Variants in TRPM4 observed in about 807,000 individuals in gnomAD.
The protein encoded by TRPM4 is transient receptor potential cation channel subfamily M member 4.
Under a neutral mutation model 135.6 loss-of-function variants are expected in TRPM4, and 124 were observed. That is an observed-to-expected ratio of 0.91 (90% CI 0.79 to 1.06). TRPM4 has a LOEUF of 1.06. TRPM4 is among the 50% of genes least tolerant of loss of function. TRPM4 has a pLI of 0.00. For synonymous variants in TRPM4, 745 were observed against 705.6 expected (o/e 1.06, Z -0.88); for missense variants, 1,658 against 1,671.4 (o/e 0.99, Z 0.14).
At position 49,210,609 on chromosome 19, in the gene TRPM4, C is replaced by T; in HGVS notation, c.3329-101C>T. 1.3e-6 allele frequency: 2 copies of T among 1,574,266 alleles called. No homozygotes were observed. The highest frequency in any genetic ancestry group is 1.7e-6 in the Non-Finnish European group (2 of 1,148,460). ...GGGCATGTTCTCGAATCACCAGGGG[C>T]TGGGTCTGGGATAGCGTGCGTGTTC... On this transcript the variant is annotated intron_variant, in intron 21 of 24. Transcript: ENST00000252826. The surrounding 1 kb of genome is among the most constrained non-coding windows in gnomAD (Gnocchi z 4.1).
intron 1 of TRPM4, 105 bp from the exon 2 acceptor site, chr19:49,158,087 C>T: frequency 1.5e-6 from 2 of 1,342,836 alleles, no homozygotes; most frequent in East Asian, 4.6e-5. Context: ...GCCCGGACTC[C>T]TGTGTCCGTG....
chr19:49,199,634 T>G (rs1968839463), intron 17 of TRPM4, among the ~76,000 whole-genome samples: 1 of 152,144 alleles, frequency 6.6e-6, no homozygotes, highest in African/African-American at 2.4e-5. Context: ...CTCTGGATCC[T>G]AATCCTCGGT....
chr19:49,165,887 G>A (rs534737519), intron 2 of TRPM4, among the ~76,000 whole-genome samples, 154 bp from the exon 3 acceptor site: 2 of 152,318 alleles, frequency 1.3e-5, no homozygotes, highest in South Asian at 2.1e-4. Context: ...CCCCGAGGCC[G>A]TCAGAGCCAG....
intron 16 of TRPM4, 31 bp from the exon 17 acceptor site, chr19:49,196,409 G>T: frequency 6.6e-7 from 1 of 1,511,688 alleles, no homozygotes; most frequent in Non-Finnish European, 8.8e-7. Context: ...TCAGAGTGAG[G>T]CCTCCTCCCT....
At position 49,199,253 on chromosome 19, in the gene TRPM4, GT is replaced by G. The variant is rs1568487583; in HGVS notation, c.2646-1042del. 6.7e-3 allele frequency among the ~76,000 whole-genome samples: 540 copies of G among 81,186 alleles called. 4 individuals are homozygous for G. Among genetic ancestry groups the G allele is most frequent in the African/African-American group, 0.022 (512 of 22,998 alleles). The allele number at this position is 81,186 out of a possible 152,430, so 53.3% of individuals were successfully genotyped here. ...CTTGTGCCCCCTTGTTTTTTTTTTGGTTTTTGTTTTTGTTTTTGTTTTTGAG... is the reference window on the plus strand; with the variant it reads ...CTTGTGCCCCCTTGTTTTTTTTTTGGTTTTGTTTTTGTTTTTGTTTTTGAG... On this transcript the variant is annotated intron_variant, in intron 17 of 24. Coordinates refer to ENST00000252826, the MANE Select transcript of TRPM4 (RefSeq NM_017636.4).
rs1969319683 is a variant in TRPM4 at position 49,210,628 on chromosome 19, C to A, written c.3329-82C>A. 2 of 1,601,128 alleles carry A rather than the reference C, an allele frequency of 1.2e-6. No homozygotes were observed. The highest frequency in any genetic ancestry group is 1.7e-5 in the Admixed American group (1 of 59,750). On this transcript the variant is annotated intron_variant, in intron 21 of 24. Transcript: ENST00000252826. This position sits in a 1 kb window ranked among gnomAD's most constrained non-coding sequence, Gnocchi z 4.1. ...CAGGGGCTGGGTCTGGGATAGCGTG[C>A]GTGTTCTGAGGGTGTCGGAAGGGGC...
chr19:49,196,748 T>G lies in TRPM4; in HGVS notation c.2519T>G (p.Leu840Arg). ...GGCCTGAGCGGAGGCGGGGGCAGCC[T>G]CGCCAGCGGGGGCCCCGGGCCTGGC... ...RQGLSGGGGSLASGGPGPGHA... is the reference protein window; with the variant it reads ...RQGLSGGGGSRASGGPGPGHA... Residue 840 changes from leucine to arginine, a missense_variant, in exon 17 of 25, where the codon CTC (leucine) becomes CGC (arginine). Leu to Arg is a moderately radical substitution (Grantham distance 102). This residue lies in a region of TRPM4 where 1,412 missense variants were observed against 1,408.7 expected (regional missense o/e 1.00). Coordinates refer to ENST00000252826, the MANE Select transcript of TRPM4 (RefSeq NM_017636.4). The G allele has an allele frequency of 1.3e-6, 2 of 1,548,914 alleles. No individual in the cohort carries two copies. Among genetic ancestry groups the G allele is most frequent in the South Asian group, 2.4e-5 (2 of 84,886 alleles).
chr19:49,200,164 A>T, intron 17 of TRPM4, 136 bp from the exon 18 acceptor site: 1 of 1,350,380 alleles, frequency 7.4e-7, no homozygotes. Flanking sequence ...ATTTGAGTAA[A>T]CCCCGGGTGA....
At position 49,210,741 on chromosome 19, in the gene TRPM4, G is replaced by T. The variant is rs779202249; in HGVS notation, c.3360G>T (p.Lys1120Asn). The change falls in exon 22 of 25, where the codon AAG becomes AAT. Residue 1120 changes from lysine (K) to asparagine (N), a missense_variant. By Grantham distance (94) the Lys-to-Asn change is moderately conservative. This residue lies in a region of TRPM4 where 1,412 missense variants were observed against 1,408.7 expected (regional missense o/e 1.00). Transcript: ENST00000252826. The surrounding 1 kb of genome is among the most constrained non-coding windows in gnomAD (Gnocchi z 4.1). The stretch of plus-strand genomic sequence containing the variant: ...ACCTTTCTAAGGAAGCCGAGCGGAA[G>T]CTGCTAACGTGGGAATCGGTGCATA... ...RVYLSKEAER[K>N]LLTWESVHKE... The T allele has an allele frequency of 6.2e-7, 1 of 1,614,208 alleles. No individual in the cohort carries two copies. Among genetic ancestry groups the T allele is most frequent in the Non-Finnish European group, 8.5e-7 (1 of 1,180,050 alleles).
chr19:49,201,855 C>T, intron 19 of TRPM4, 109 bp from the exon 20 acceptor site: 3 of 1,150,434 alleles, frequency 2.6e-6, no homozygotes, highest in Non-Finnish European at 3.9e-6. Context: ...CCATCTCAGC[C>T]TCCCAAAAGT....
intron 9 of TRPM4, among the ~76,000 whole-genome samples, chr19:49,179,639 G>A (rs146724210): frequency 0.017 from 2,595 of 152,238 alleles, 77 homozygotes; most frequent in African/African-American, 0.052. Flanking sequence ...CGTGAGCCAC[G>A]GCGCCCGGCC....
At chr19:49,190,164 G>A (rs1968355765) in intron 14 of TRPM4, 44 bp from the exon 15 acceptor site, 1 of 1,544,466 alleles carries the variant, frequency 6.5e-7, no homozygotes, top group Non-Finnish European at 9.0e-7. Context: ...TAGGGACGGG[G>A]CTGTGGGGGA....
At position 49,200,605 on chromosome 19, in the gene TRPM4, C is replaced by G. The variant is rs751078555; in HGVS notation, c.2779-6C>G. 3 of 1,612,216 alleles carry G rather than the reference C, an allele frequency of 1.9e-6. No homozygotes were observed. Among genetic ancestry groups the G allele is most frequent in the South Asian group, 2.2e-5 (2 of 91,066 alleles). ...CGGGGCCAGACTCAGCCACATCTCC[C>G]CACAGATGAAGGACGTGTTCTTCTT... On this transcript the variant is annotated splice_polypyrimidine_tract_variant and splice_region_variant and intron_variant, in intron 18 of 24. Transcript: ENST00000252826.
intron 17 of TRPM4, among the ~76,000 whole-genome samples, chr19:49,198,851 G>A (rs1216739469): frequency 6.6e-6 from 1 of 151,802 alleles, no homozygotes; most frequent in Non-Finnish European, 1.5e-5. Context: ...CTCCCACCTT[G>A]GCCTCTCAAA....
chr19:49,180,452 G>A (rs972618225), intron 9 of TRPM4, among the ~76,000 whole-genome samples: 2 of 151,092 alleles, frequency 1.3e-5, no homozygotes, highest in African/African-American at 4.9e-5. Context: ...GTGTGTGTGT[G>A]TGTGTGTGTG....
intron 20 of TRPM4, among the ~76,000 whole-genome samples, chr19:49,208,919 A>C (rs1259487455): frequency 6.6e-6 from 1 of 151,078 alleles, no homozygotes; most frequent in African/African-American, 2.4e-5. Flanking sequence ...AGATTGTGCC[A>C]CTGCACTCCA....
At position 49,190,297 on chromosome 19, in the gene TRPM4, C is replaced by T. The variant is rs745579027; in HGVS notation, c.2109C>T (p.Ile703=). 6.2e-7 allele frequency: 1 copy of T among 1,612,442 alleles called. No individual in the cohort carries two copies. The change falls in exon 15 of 25, where the codon ATC becomes ATT. Residue 703 remains isoleucine (I), a synonymous_variant. Coordinates refer to ENST00000252826, the MANE Select transcript of TRPM4 (RefSeq NM_017636.4). ...TCGCCTTCTTTTGCCCTCCACTCATCTACACCCGCCTCATCACCTTCAGGT... is the reference window on the plus strand; with the variant it reads ...TCGCCTTCTTTTGCCCTCCACTCATTTACACCCGCCTCATCACCTTCAGGT... The part of the protein sequence containing the change: ...LVLAFFCPPL[I]YTRLITFRKS...
At chr19:49,170,413 T>G (rs867249764) in intron 6 of TRPM4, among the ~76,000 whole-genome samples, 13 of 152,094 alleles carry the variant, frequency 8.5e-5, no homozygotes, top group African/African-American at 3.1e-4. Flanking sequence ...GGTCTTGAAC[T>G]CTTGACCTCA....
Position 49,158,114 on chromosome 19 carries a change from G to A in TRPM4, c.25-78G>A, listed in dbSNP as rs537705692. On this transcript the variant is annotated intron_variant, in intron 1 of 24. Transcript: ENST00000252826. ...GTGTCCGTGGGGAGCGCACGGGGTG[G>A]GTGGCTCTGTGTCCCATAGGACAGA... 1.2e-5 allele frequency: 18 copies of A among 1,443,114 alleles called. No homozygotes were observed. The Admixed American group carries it at 2.5e-4, about 20-fold the overall frequency. The allele number at this position is 1,443,114 out of a possible 1,614,324, so 89.4% of individuals were successfully genotyped here. A position where few individuals can be genotyped will look rare whatever the true frequency, so the allele number is the denominator to read the frequency against.
Sources: allele counts gnomAD v4.1 joint callset (sites outside exome capture counted in the v4.1 genomes callset), GRCh38; gene constraint gnomAD v4.1.1; regional missense constraint gnomAD v4.1.1; non-coding constraint Gnocchi (gnomAD v3.1); transcripts MANE v1.5; gene names NCBI Gene and HGNC (gene_info 2026-07-23, HGNC 2026-07-21).